The following RSBN1L variants were observed in gnomAD, a reference collection of about 807,000 sequenced individuals.
The protein encoded by RSBN1L is round spermatid basic protein 1 like, also known as lysine-specific demethylase RSBN1L.
A neutral mutation model predicts 67.7 loss-of-function variants in RSBN1L; 30 were observed. The ratio of observed to expected loss-of-function variants is 0.44; its 90% CI spans 0.33 to 0.60. The LOEUF is 0.60. Among genes scored for constraint, RSBN1L ranks in the 20% least tolerant of loss-of-function variants. The pLI, the probability that RSBN1L is intolerant of heterozygous loss-of-function variation, is 0.02. For synonymous variants in RSBN1L, 433 were observed against 387.0 expected, an observed-to-expected ratio of 1.12 and a Z score of -1.39; for missense variants, 992 against 1,031.7, an observed-to-expected ratio of 0.96 and a Z score of 0.53.
intron 1 of RSBN1L, among the ~76,000 whole-genome samples, chr7:77,736,165 CGAAGT>C: frequency 6.6e-6 from 1 of 151,894 alleles, no homozygotes; most frequent in Non-Finnish European, 1.5e-5. Context: ...TTGGTTGACA[CGAAGT>C]GAAGAATACT....
chr7:77,718,156 C>A (rs1396367325), intron 1 of RSBN1L, among the ~76,000 whole-genome samples: 2 of 151,956 alleles, frequency 1.3e-5, no homozygotes, highest in Non-Finnish European at 2.9e-5. Context: ...TTCATGGCAG[C>A]TAGATAGGAA....
intron 1 of RSBN1L, among the ~76,000 whole-genome samples, chr7:77,734,336 TAA>T (rs1791305400): frequency 1.3e-5 from 2 of 152,162 alleles, no homozygotes; most frequent in Non-Finnish European, 1.5e-5. Flanking sequence ...TTGATAAGAT[TAA>T]ATTGAATTAT....
In RSBN1L at chr7:77,779,734, T is replaced by C. The variant is rs559161090; in HGVS notation, c.*566T>C. ...TCATTTGATAATGATTCTCTGCTGG[T>C]ATATCTATTTAGTGTGGTATTGTAG... On this transcript the variant is annotated 3_prime_UTR_variant, in exon 8 of 8. Coordinates refer to ENST00000334955, the MANE Select transcript of RSBN1L (RefSeq NM_198467.3). 1 of 152,220 alleles carries C rather than the reference T, an allele frequency of 6.6e-6. No individual in the cohort carries two copies. Among genetic ancestry groups the C allele is most frequent in the South Asian group, 2.1e-4 (1 of 4,816 alleles). The allele number at this position is 152,220 out of a possible 1,614,324, so 9.4% of individuals were successfully genotyped here.
At position 77,711,257 on chromosome 7, in the gene RSBN1L, A is replaced by G. The variant is rs74686257; in HGVS notation, c.586+14202A>G. The stretch of plus-strand genomic sequence containing the variant: ...TGAGTTATCAGAATTGCCATTTTGT[A>G]TACTCTAACTGCACATAGTTGAAAC... On this transcript the variant is annotated intron_variant, in intron 1 of 7. Coordinates refer to ENST00000334955, the MANE Select transcript of RSBN1L (RefSeq NM_198467.3). Among the ~76,000 whole-genome samples, 1,094 of 152,118 alleles carry G rather than the reference A, an allele frequency of 7.2e-3. 17 individuals are homozygous for G. The highest frequency in any genetic ancestry group is 0.025 in the African/African-American group (1,051 of 41,504).
chr7:77,746,603 C>T (rs886733365), intron 2 of RSBN1L, among the ~76,000 whole-genome samples: 1 of 152,182 alleles, frequency 6.6e-6, no homozygotes, highest in African/African-American at 2.4e-5. Flanking sequence ...GCCTTGCCAA[C>T]AGTCCCCCCA....
chr7:77,719,174 T>G (rs183657387), intron 1 of RSBN1L, among the ~76,000 whole-genome samples: 1 of 152,280 alleles, frequency 6.6e-6, no homozygotes, highest in African/African-American at 2.4e-5. Context: ...TATGTGTGTT[T>G]TGGAAAATTT....
intron 3 of RSBN1L, among the ~76,000 whole-genome samples, chr7:77,752,869 A>G (rs1310978615): frequency 1.3e-5 from 2 of 152,062 alleles, no homozygotes; most frequent in Admixed American, 6.6e-5. Context: ...TCACTGATAT[A>G]TTTTGCTTCT....
At position 77,780,488 on chromosome 7, in the gene RSBN1L, C is replaced by G. The variant is rs1047485390; in HGVS notation, c.*1320C>G. The stretch of plus-strand genomic sequence containing the variant: ...ATAAGAAGTTTAGAGAATTTTCTTA[C>G]TAGTAAGTACCTTTACTAAGTAATA... On this transcript the variant is annotated 3_prime_UTR_variant, in exon 8 of 8. Coordinates refer to ENST00000334955, the MANE Select transcript of RSBN1L (RefSeq NM_198467.3). 3.3e-5 allele frequency: 5 copies of G among 152,016 alleles called. No homozygotes were observed. The highest frequency in any genetic ancestry group is 1.2e-4 in the African/African-American group (5 of 41,362). 9.4% of individuals were successfully genotyped at this position (152,016 alleles called of 1,614,324 possible).
chr7:77,768,839 G>T, intron 5 of RSBN1L, 36 bp downstream of exon 5: 1 of 1,596,154 alleles, frequency 6.3e-7, no homozygotes, highest in Non-Finnish European at 8.6e-7. Flanking sequence ...GAGGGGATGA[G>T]TGTTTGTATG....
At chr7:77,722,414 G>T (rs897635304) in intron 1 of RSBN1L, among the ~76,000 whole-genome samples, 1 of 152,124 alleles carries the variant, frequency 6.6e-6, no homozygotes, top group Non-Finnish European at 1.5e-5. Context: ...TACAGTTTCA[G>T]TGAAACTTAG....
At chr7:77,751,762 C>CA (rs1178515882) in intron 3 of RSBN1L, among the ~76,000 whole-genome samples, 1 of 152,158 alleles carries the variant, frequency 6.6e-6, no homozygotes, top group Admixed American at 6.5e-5. Context: ...GAAACAGATC[C>CA]AGTGAGAGAA....
At chr7:77,711,179 G>T (rs560784244) in intron 1 of RSBN1L, among the ~76,000 whole-genome samples, 27 of 152,312 alleles carry the variant, frequency 1.8e-4, no homozygotes, top group African/African-American at 6.3e-4. Context: ...AAATTGTCAA[G>T]TGGAAAGGAA....
intron 3 of RSBN1L, among the ~76,000 whole-genome samples, chr7:77,750,296 GTTTTTTTT>G (rs36054297): frequency 0.025 from 1,461 of 57,594 alleles, 22 homozygotes; most frequent in South Asian, 0.087. Context: ...AAGATTCTGT[GTTTTTTTT>G]TTTTTTTTTT....
intron 3 of RSBN1L, among the ~76,000 whole-genome samples, chr7:77,750,819 A>G (rs923391002): frequency 6.6e-5 from 10 of 152,158 alleles, no homozygotes; most frequent in Non-Finnish European, 1.3e-4. Flanking sequence ...GGAAGGAGGG[A>G]AAAAGTAAAG....
In RSBN1L at chr7:77,779,789, ATATT is replaced by A. The variant is rs985873353; in HGVS notation, c.*624_*627del. 5 of 149,450 alleles carry A rather than the reference ATATT, an allele frequency of 3.3e-5. No homozygotes were observed. The highest frequency in any genetic ancestry group is 7.4e-5 in the Non-Finnish European group (5 of 67,424). The allele number at this position is 149,450 out of a possible 1,614,324, so 9.3% of individuals were successfully genotyped here. A position where few individuals can be genotyped will look rare whatever the true frequency, so the allele number is the denominator to read the frequency against. ...AATGTACGTAATTCAAATCTAGTAA[ATATT>A]TAAGTTCCTCACACTGTGCAGGCTT... On this transcript the variant is annotated 3_prime_UTR_variant, in exon 8 of 8. Transcript: ENST00000334955.
At chr7:77,704,450 A>G (rs1790861872) in intron 1 of RSBN1L, among the ~76,000 whole-genome samples, 1 of 152,216 alleles carries the variant, frequency 6.6e-6, no homozygotes, top group African/African-American at 2.4e-5. Context: ...ACAGATTGAA[A>G]AGTTTAACTT....
chr7:77,779,007 C>A lies in RSBN1L; in HGVS notation c.2380C>A (p.Gln794Lys). ...TGTTAAAGCAAAATTGGATCATGTT[C>A]AATTTGCAGAATTTAAGATTGACAT... is the stretch of plus-strand genomic sequence containing the variant. Reference protein sequence around the residue: ...KNVKAKLDHVQFAEFKIDMDS... With the variant: ...KNVKAKLDHVKFAEFKIDMDS... The change falls in exon 8 of 8, where the codon CAA (glutamine) becomes AAA (lysine). Residue 794 changes from glutamine to lysine, a missense_variant. Transcript: ENST00000334955. 6.2e-7 allele frequency: 1 copy of A among 1,613,944 alleles called. No homozygotes were observed. The highest frequency in any genetic ancestry group is 1.1e-5 in the South Asian group (1 of 91,054).
intron 1 of RSBN1L, among the ~76,000 whole-genome samples, chr7:77,714,078 G>C (rs978448207): frequency 5.9e-5 from 9 of 152,080 alleles, no homozygotes; most frequent in African/African-American, 1.9e-4. Flanking sequence ...TCTGTTTTTA[G>C]ATTTGCACTT....
At chr7:77,700,857 T>C (rs1267928106) in intron 1 of RSBN1L, among the ~76,000 whole-genome samples, 1 of 152,174 alleles carries the variant, frequency 6.6e-6, no homozygotes, top group Non-Finnish European at 1.5e-5. Context: ...CATTTGTTCC[T>C]GTAGACATCC....
Sources: gnomAD v4.1 joint callset for allele counts (sites outside exome capture counted in the v4.1 genomes callset) on GRCh38, gnomAD v4.1.1 for gene constraint, MANE v1.5 for transcripts, NCBI Gene and HGNC (gene_info 2026-07-23, HGNC 2026-07-21) for gene names.